Variants in FAM81B observed in about 807,000 individuals in gnomAD.
The protein encoded by FAM81B is family with sequence similarity 81 member B, also known as protein FAM81B.
FAM81B carries 60 observed loss-of-function variants against 58.7 expected under a neutral mutation model. The ratio of observed to expected loss-of-function variants is 1.02; its 90% CI spans 0.83 to 1.27. The LOEUF (loss-of-function observed/expected upper bound fraction) is 1.27, where lower values mean the gene tolerates loss of function less well. Among genes scored for constraint, FAM81B ranks in the 50% most tolerant of loss-of-function variants. The pLI is 0.00. For missense variants in FAM81B, 491 were observed against 522.0 expected (o/e 0.94, Z 0.58); for synonymous variants, 189 against 179.6 (o/e 1.05, Z -0.42).
At chr5:95,448,598 T>C (rs779787446) in intron 9 of FAM81B, 134 bp downstream of exon 9, 2 of 824,618 alleles carry the variant, frequency 2.4e-6, no homozygotes, top group Non-Finnish European at 3.8e-6. Context: ...TCCACTTTTC[T>C]AAATATCCTA....
chr5:95,424,748 T>G lies in FAM81B; in HGVS notation c.657-3855T>G, dbSNP rs538757966. 2.0e-5 allele frequency among the ~76,000 whole-genome samples: 3 copies of G among 152,210 alleles called. No homozygotes were observed. The East Asian group carries it at 5.8e-4, about 29-fold the overall frequency. ...TAGGGAGAGGAACTGAGAGAGGCAG[T>G]GAGAGGAAGGGTCAGAAACCACTGT... On this transcript the variant is annotated intron_variant, in intron 5 of 9. Transcript: ENST00000283357.
intron 3 of FAM81B, among the ~76,000 whole-genome samples, chr5:95,408,074 AT>A (rs1762308422): frequency 4.8e-5 from 2 of 41,674 alleles, no homozygotes; most frequent in Non-Finnish European, 5.4e-5. Context: ...TTCCCCCAAA[AT>A]GAGAGAGAGA....
intron 4 of FAM81B, among the ~76,000 whole-genome samples, chr5:95,418,055 C>T (rs2152764321): frequency 6.6e-6 from 1 of 152,288 alleles, no homozygotes; most frequent in Non-Finnish European, 1.5e-5. Context: ...AATGGAAGAT[C>T]CCAGAACCAA....
In FAM81B at chr5:95,409,656, C is replaced by T. The variant is rs190574900; in HGVS notation, c.294-4291C>T. Among the ~76,000 whole-genome samples, 20 of 152,246 alleles carry T rather than the reference C, an allele frequency of 1.3e-4. No homozygotes were observed. In the East Asian group the frequency reaches 2.5e-3, roughly 19 times the overall value. ...CCCCTCTTCTTCCTTTATAAGCCAACCAGATTCTGCTGACCTTCACTGGGC... is the reference window on the plus strand; with the variant it reads ...CCCCTCTTCTTCCTTTATAAGCCAATCAGATTCTGCTGACCTTCACTGGGC... On this transcript the variant is annotated intron_variant, in intron 3 of 9. Transcript: ENST00000283357.
chr5:95,436,850 G>T lies in FAM81B; in HGVS notation c.837G>T (p.Ser279=). ...AAACTGCCAGTTCTGAGCAAACCTC[G>T]AATTTAAAGATGGTCCAGGGGGATT... The part of the protein sequence containing the change: ...KIETASSEQT[S]NLKMVQGDYR... Residue 279 remains serine (S), a synonymous_variant, in exon 7 of 10, where the codon TCG becomes TCT. Coordinates refer to ENST00000283357, the MANE Select transcript of FAM81B (RefSeq NM_152548.3). 1 of 1,614,012 alleles carries T rather than the reference G, an allele frequency of 6.2e-7. No individual in the cohort carries two copies. Among genetic ancestry groups the T allele is most frequent in the Non-Finnish European group, 8.5e-7 (1 of 1,179,926 alleles).
At chr5:95,408,754 CATTT>C (rs1762331974) in intron 3 of FAM81B, among the ~76,000 whole-genome samples, 1 of 152,202 alleles carries the variant, frequency 6.6e-6, no homozygotes, top group African/African-American at 2.4e-5. Context: ...ATAGATGACT[CATTT>C]AAAGTGCTAG....
intron 3 of FAM81B, among the ~76,000 whole-genome samples, chr5:95,411,091 T>C (rs1162058788): frequency 1.3e-5 from 2 of 152,208 alleles, no homozygotes; most frequent in Non-Finnish European, 2.9e-5. Context: ...GTCATGTTCA[T>C]GTATAAAAAA....
At chr5:95,394,896 G>C (rs1251063383) in intron 2 of FAM81B, among the ~76,000 whole-genome samples, 1 of 152,132 alleles carries the variant, frequency 6.6e-6, no homozygotes, top group Non-Finnish European at 1.5e-5. Context: ...TAAAACTTAA[G>C]AAGTAGTAAT....
chr5:95,392,506 A>G (rs868448461), intron 1 of FAM81B, among the ~76,000 whole-genome samples: 2 of 152,200 alleles, frequency 1.3e-5, no homozygotes, highest in African/African-American at 4.8e-5. Context: ...TATAATTTAA[A>G]AAAAATACAT....
chr5:95,420,544 A>G lies in FAM81B; in HGVS notation c.656+142A>G, dbSNP rs1017094585. The G allele has an allele frequency of 5.7e-6, 7 of 1,227,278 alleles. No individual in the cohort carries two copies. In the African/African-American group the frequency reaches 9.2e-5, roughly 16 times the overall value. The allele number at this position is 1,227,278 out of a possible 1,614,324, so 76.0% of individuals were successfully genotyped here. Reference sequence around the variant, plus strand: ...AATGAGATGGCATTTGAGAAAGTGTACCATAGAACTTTCAATGCCTCACGC... The same window carrying G: ...AATGAGATGGCATTTGAGAAAGTGTGCCATAGAACTTTCAATGCCTCACGC... On this transcript the variant is annotated intron_variant, in intron 5 of 9. Transcript: ENST00000283357.
chr5:95,414,005 C>A lies in FAM81B; in HGVS notation c.352C>A (p.Leu118Met), dbSNP rs1258229215. 5.6e-6 allele frequency: 9 copies of A among 1,613,946 alleles called. No homozygotes were observed. Among genetic ancestry groups the A allele is most frequent in the Non-Finnish European group, 6.8e-6 (8 of 1,179,998 alleles). ...CCAGAGAGGTCAGCTAGAAGACAGA[C>A]TGAACAACCAGGCGCGTACCATAGC... Reference protein sequence around the residue: ...NTQRGQLEDRLNNQARTIAFL... With the variant: ...NTQRGQLEDRMNNQARTIAFL... Residue 118 changes from leucine to methionine, a missense_variant, in exon 4 of 10, where the codon CTG (leucine) becomes ATG (methionine). Physicochemically the swap from Leu to Met is conservative, Grantham distance 15. Coordinates refer to ENST00000283357, the MANE Select transcript of FAM81B (RefSeq NM_152548.3).
Position 95,419,524 on chromosome 5 carries a change from TA to T in FAM81B, c.538-757del, listed in dbSNP as rs1015469448. On this transcript the variant is annotated intron_variant, in intron 4 of 9. Coordinates refer to ENST00000283357, the MANE Select transcript of FAM81B (RefSeq NM_152548.3). Reference sequence around the variant, plus strand: ...TTTCTATGGACAAGCAGAATTTTTTTAAATTTTTTAAATCAATACTTATAAA... The same window carrying T: ...TTTCTATGGACAAGCAGAATTTTTTTAATTTTTTAAATCAATACTTATAAA... Among the ~76,000 whole-genome samples, 29 of 152,280 alleles carry T rather than the reference TA, an allele frequency of 1.9e-4. No individual in the cohort carries two copies. In the East Asian group the frequency reaches 2.5e-3, roughly 13 times the overall value.
chr5:95,428,247 C>T (rs1443562999), intron 5 of FAM81B, among the ~76,000 whole-genome samples: 1 of 152,108 alleles, frequency 6.6e-6, no homozygotes, highest in Admixed American at 6.5e-5. Flanking sequence ...TTAATTTTGC[C>T]TAACCATAGG....
intron 6 of FAM81B, among the ~76,000 whole-genome samples, chr5:95,430,849 T>C (rs1744852067): frequency 6.6e-6 from 1 of 152,110 alleles, no homozygotes; most frequent in African/African-American, 2.4e-5. Context: ...CTCCATTGCC[T>C]CACCAATGCA....
intron 3 of FAM81B, among the ~76,000 whole-genome samples, chr5:95,400,401 CACAT>C (rs754629589): frequency 0.036 from 5,308 of 147,532 alleles, 137 homozygotes; most frequent in Non-Finnish European, 0.051. Flanking sequence ...CAGCCACCTT[CACAT>C]ACATACATAC....
At chr5:95,411,828 G>C (rs1762412700) in intron 3 of FAM81B, among the ~76,000 whole-genome samples, 1 of 152,170 alleles carries the variant, frequency 6.6e-6, no homozygotes. Flanking sequence ...AGTCAATGTT[G>C]TGATAATGCA....
At chr5:95,393,380 G>C (rs978205462) in intron 2 of FAM81B, among the ~76,000 whole-genome samples, 4 of 152,100 alleles carry the variant, frequency 2.6e-5, no homozygotes, top group Non-Finnish European at 4.4e-5. Flanking sequence ...GTTACATAAA[G>C]CACTAGCACA....
chr5:95,445,688 C>T (rs1210509934), intron 7 of FAM81B, among the ~76,000 whole-genome samples: 1 of 151,834 alleles, frequency 6.6e-6, no homozygotes, highest in African/African-American at 2.4e-5. Flanking sequence ...TTTAAATGCC[C>T]CCTAAAAAAA....
At chr5:95,428,757 T>C (rs1347533646) in intron 6 of FAM81B, 25 bp downstream of exon 6, 1 of 1,613,270 alleles carries the variant, frequency 6.2e-7, no homozygotes, top group Admixed American at 1.7e-5. Context: ...ATGGGACTCA[T>C]ATTACGTGTT....
Sources: gnomAD v4.1 joint callset for allele counts (sites outside exome capture counted in the v4.1 genomes callset) on GRCh38, gnomAD v4.1.1 for gene constraint, MANE v1.5 for transcripts, NCBI Gene and HGNC (gene_info 2026-07-23, HGNC 2026-07-21) for gene names.